Variants in OGG1 observed in about 807,000 individuals in gnomAD.
OGG1 encodes the protein N-glycosylase/DNA lyase.
In OGG1, 35 loss-of-function variants were observed where a neutral mutation model predicts 42.3. The ratio of observed to expected loss-of-function variants is 0.83; its 90% CI spans 0.63 to 1.10. OGG1 has a LOEUF of 1.10. OGG1 is among the 50% of genes least tolerant of loss of function. The pLI is 0.00. For synonymous variants in OGG1, 189 were observed against 179.0 expected (o/e 1.06, Z -0.44); for missense variants, 484 against 446.7 (o/e 1.08, Z -0.75).
intron 1 of OGG1, 30 bp downstream of exon 1, chr3:9,750,453 C>T: frequency 1.9e-6 from 3 of 1,612,818 alleles, no homozygotes; most frequent in Non-Finnish European, 2.5e-6. Context: ...AAGCCTGTCC[C>T]CTCGGACTGG....
intron 3 of OGG1, chr3:9,787,460 T>C (rs2078642407): frequency 2.2e-6 from 3 of 1,384,000 alleles, no homozygotes; most frequent in Non-Finnish European, 2.9e-6. Context: ...CCAAGCCCAG[T>C]GTCAGGTGTA....
chr3:9,789,701 C>CTA, downstream of OGG1: 3 of 1,611,082 alleles, frequency 1.9e-6, no homozygotes, highest in Non-Finnish European at 2.5e-6. Flanking sequence ...TCTATGTTCT[C>CTA]TAGCCCAGAA....
At chr3:9,770,741 G>A (rs1479941326), downstream of OGG1, among the ~76,000 whole-genome samples, 1 of 152,064 alleles carries the variant, frequency 6.6e-6, no homozygotes, top group African/African-American at 2.4e-5. Flanking sequence ...GAGGCCAAAG[G>A]TCGGTTTGCT....
At chr3:9,760,783 A>G, downstream of OGG1, 1 of 1,613,612 alleles carries the variant, frequency 6.2e-7, no homozygotes, top group South Asian at 1.1e-5. Context: ...GCAGGGAGAA[A>G]CTCATCCTCA....
intron 1 of OGG1, 70 bp from the exon 2 acceptor site, chr3:9,750,875 G>A (rs2077269174): frequency 1.3e-6 from 2 of 1,588,922 alleles, no homozygotes; most frequent in African/African-American, 2.7e-5. Flanking sequence ...GCTATTGTAG[G>A]ATAGGAGGGA....
At chr3:9,767,611 C>T, downstream of OGG1, 1 of 1,607,822 alleles carries the variant, frequency 6.2e-7, no homozygotes. Context: ...GAGGAAGCCC[C>T]ACCCTGGACT....
At chr3:9,765,225 T>C (rs1231257909) in intron 7 of OGG1, among the ~76,000 whole-genome samples, 1 of 142,246 alleles carries the variant, frequency 7.0e-6, no homozygotes, top group Non-Finnish European at 1.5e-5. Context: ...AGACTCCATC[T>C]CAAAAAAAAA....
chr3:9,759,230 A>G (rs1402391812), downstream of OGG1: 1 of 1,614,194 alleles, frequency 6.2e-7, no homozygotes, highest in East Asian at 2.2e-5. Flanking sequence ...CTCGGACCCC[A>G]TAGGCTGGAT....
chr3:9,759,760 C>T, downstream of OGG1: 2 of 1,614,118 alleles, frequency 1.2e-6, no homozygotes, highest in South Asian at 1.1e-5. Context: ...GCTAAACCCC[C>T]AAGACAAAAG....
chr3:9,767,990 C>A (rs2078202075), downstream of OGG1, among the ~76,000 whole-genome samples: 1 of 152,226 alleles, frequency 6.6e-6, no homozygotes. Context: ...CAGCAAAATT[C>A]TTTATTTAAC....
chr3:9,771,793 G>A (rs1254545570), intron 2 of OGG1, among the ~76,000 whole-genome samples: 3 of 147,750 alleles, frequency 2.0e-5, no homozygotes, highest in Admixed American at 6.8e-5. Context: ...CTGTCCTTTC[G>A]AGGACTTGTA....
chr3:9,775,090 A>C (rs932881786), intron 2 of OGG1, among the ~76,000 whole-genome samples: 4 of 152,020 alleles, frequency 2.6e-5, no homozygotes, highest in African/African-American at 9.7e-5. Flanking sequence ...AAATACAAAA[A>C]TTAGCTGGGC....
intron 2 of OGG1, chr3:9,780,328 A>C (rs1169210025): frequency 6.3e-7 from 1 of 1,591,786 alleles, no homozygotes; most frequent in Admixed American, 1.8e-5. Context: ...CCCCTAGGCC[A>C]GATAATCAGC....
chr3:9,783,852 G>C, intron 3 of OGG1: 1 of 1,157,524 alleles, frequency 8.6e-7, no homozygotes, highest in Non-Finnish European at 1.2e-6. Context: ...TGTGGAATCA[G>C]AATTTGTTTG....
Position 9,750,414 on chromosome 3 carries a change from A to G in OGG1, c.128A>G (p.Gln43Arg), listed in dbSNP as rs761089529. ...CTGGACCTGGTTCTGCCTTCTGGAC[A>G]ATCTTTCCGGTGAGTGACTGAGCCT... ...LRLDLVLPSG[Q>R]SFRWREQSPA... The change falls in exon 1 of 7, where the codon CAA becomes CGA. Residue 43 changes from glutamine to arginine, a missense_variant. By Grantham distance (43) the Gln-to-Arg change is conservative (BLOSUM62 1). Coordinates refer to ENST00000344629, the MANE Select transcript of OGG1 (RefSeq NM_002542.6). 1 of 1,613,912 alleles carries G rather than the reference A, an allele frequency of 6.2e-7. No homozygotes were observed. The highest frequency in any genetic ancestry group is 2.2e-5 in the East Asian group (1 of 44,852).
exon 8 of OGG1, chr3:9,766,219 TG>T: frequency 2.7e-6 from 2 of 731,984 alleles, no homozygotes; most frequent in Non-Finnish European, 4.9e-6. Flanking sequence ...AGAGCCTGCT[TG>T]GGAATGAAAT....
intron 2 of OGG1, among the ~76,000 whole-genome samples, chr3:9,773,627 C>G (rs1201665044): frequency 7.7e-6 from 1 of 129,160 alleles, no homozygotes; most frequent in Non-Finnish European, 1.7e-5. Flanking sequence ...ATGATCTTTT[C>G]TTCTTTTTTT....
chr3:9,755,495 T>C (rs2077499704), intron 4 of OGG1, among the ~76,000 whole-genome samples: 6 of 151,628 alleles, frequency 4.0e-5, no homozygotes. Context: ...GGTGGAGTCT[T>C]GCTTTGTTGC....
At chr3:9,763,006 A>G in intron 7 of OGG1, 2 of 1,614,164 alleles carry the variant, frequency 1.2e-6, no homozygotes, top group Non-Finnish European at 1.7e-6. Flanking sequence ...CGCTCCGTGT[A>G]GAAGCCTTTT....
Sources: allele counts gnomAD v4.1 joint callset (sites outside exome capture counted in the v4.1 genomes callset), GRCh38; gene constraint gnomAD v4.1.1; transcripts MANE v1.5; gene names NCBI Gene and HGNC (gene_info 2026-07-23, HGNC 2026-07-21).